The following PDE1C variants were observed in gnomAD, a reference collection of about 807,000 sequenced individuals.
The protein encoded by PDE1C is dual specificity calcium/calmodulin-dependent 3',5'-cyclic nucleotide phosphodiesterase 1C.
In PDE1C, 62 loss-of-function variants were observed where a neutral mutation model predicts 93.1. The observed-to-expected ratio is 0.67, with a 90% CI of 0.54 to 0.82. The LOEUF is 0.82. Ranked by LOEUF, PDE1C falls within the 40% of genes least tolerant of loss-of-function variation. The pLI is 0.00. For synonymous variants in PDE1C, 325 were observed against 310.1 expected (o/e 1.05, Z -0.50); for missense variants, 742 against 884.6 (o/e 0.84, Z 2.04).
intron 3 of PDE1C, among the ~76,000 whole-genome samples, chr7:32,153,521 G>C (rs371106873): frequency 3.9e-5 from 6 of 152,140 alleles, no homozygotes; most frequent in African/African-American, 1.4e-4. Context: ...GCAGAGTGGG[G>C]GTTCTCAGCC....
chr7:32,187,682 T>C (rs1232643004), intron 2 of PDE1C, among the ~76,000 whole-genome samples: 1 of 152,236 alleles, frequency 6.6e-6, no homozygotes, highest in Admixed American at 6.5e-5. Context: ...GCAAGTTGCA[T>C]ACGTAATTTT....
chr7:32,424,862 A>T (rs903227208), intron 1 of PDE1C, among the ~76,000 whole-genome samples: 1 of 152,082 alleles, frequency 6.6e-6, no homozygotes, highest in Non-Finnish European at 1.5e-5. Flanking sequence ...TAAACTAAAG[A>T]GTTAACAAAC....
intron 1 of PDE1C, among the ~76,000 whole-genome samples, chr7:32,281,946 T>C (rs1258091615): frequency 1.3e-5 from 2 of 151,580 alleles, no homozygotes; most frequent in Non-Finnish European, 2.9e-5. Context: ...CCCGCATAGG[T>C]GGGAGTTGAA....
chr7:31,944,563 T>A (rs936052096), intron 2 of PDE1C, among the ~76,000 whole-genome samples: 11 of 152,196 alleles, frequency 7.2e-5, no homozygotes, highest in African/African-American at 1.4e-4. Context: ...CTGATGGGTG[T>A]TCTGTTCCCA....
intron 6 of PDE1C, among the ~76,000 whole-genome samples, chr7:31,871,685 T>C (rs56262700): frequency 0.51 from 74,323 of 144,816 alleles, 19,955 homozygotes; most frequent in Non-Finnish European, 0.61. Flanking sequence ...AGAATGGCTG[T>C]TATGGTTAAA....
intron 11 of PDE1C, among the ~76,000 whole-genome samples, chr7:31,835,394 T>C (rs999330054): frequency 2.6e-5 from 4 of 152,126 alleles, no homozygotes; most frequent in African/African-American, 9.7e-5. Context: ...ATAGTTCTAG[T>C]TCCCCCCACA....
At chr7:32,318,688 C>A (rs74829314) in intron 1 of PDE1C, among the ~76,000 whole-genome samples, 1 of 152,166 alleles carries the variant, frequency 6.6e-6, no homozygotes, top group African/African-American at 2.4e-5. Context: ...TGAAGGGCTG[C>A]GCGCGTGAGC....
chr7:32,245,799 T>A (rs1467194880), intron 1 of PDE1C, among the ~76,000 whole-genome samples: 1 of 152,134 alleles, frequency 6.6e-6, no homozygotes, highest in African/African-American at 2.4e-5. Context: ...CCTTGCTGTG[T>A]CCTCACATGG....
At chr7:32,001,682 T>C (rs899645467) in intron 2 of PDE1C, among the ~76,000 whole-genome samples, 5 of 151,936 alleles carry the variant, frequency 3.3e-5, no homozygotes, top group African/African-American at 1.2e-4. Context: ...AAAGGTGTCA[T>C]GTAAAAAAGT....
chr7:32,229,413 G>A (rs1042587883), intron 1 of PDE1C, among the ~76,000 whole-genome samples: 26 of 152,258 alleles, frequency 1.7e-4, no homozygotes, highest in African/African-American at 6.0e-4. Flanking sequence ...ACTTCAGTAG[G>A]GGCACCTTTT....
chr7:31,943,456 C>T (rs1806120621), intron 2 of PDE1C, among the ~76,000 whole-genome samples: 1 of 152,114 alleles, frequency 6.6e-6, no homozygotes, highest in African/African-American at 2.4e-5. Context: ...GATCCATATT[C>T]TATTTTTTTA....
chr7:31,694,794 G>C, the PDE1C span, among the ~76,000 whole-genome samples: 1 of 152,230 alleles, frequency 6.6e-6, no homozygotes, highest in African/African-American at 2.4e-5. Flanking sequence ...TACCCGTAAC[G>C]ACTTCTGATA....
the PDE1C span, among the ~76,000 whole-genome samples, chr7:31,696,515 A>T: frequency 6.6e-6 from 1 of 152,306 alleles, no homozygotes; most frequent in South Asian, 2.1e-4. Flanking sequence ...CATAGAGGTG[A>T]GAAAGCAGGA....
intron 9 of PDE1C, among the ~76,000 whole-genome samples, chr7:31,839,204 A>G (rs1791516539): frequency 6.7e-6 from 1 of 149,642 alleles, no homozygotes; most frequent in Non-Finnish European, 1.5e-5. Context: ...ATACATACAT[A>G]CGTATATGTG....
chr7:32,389,563 C>T (rs150557604), intron 1 of PDE1C, among the ~76,000 whole-genome samples: 245 of 152,300 alleles, frequency 1.6e-3, no homozygotes, highest in African/African-American at 4.5e-3. Flanking sequence ...AATGATGACA[C>T]TTCATGGGAT....
At chr7:31,999,204 C>T (rs1785147627) in intron 2 of PDE1C, among the ~76,000 whole-genome samples, 2 of 152,110 alleles carry the variant, frequency 1.3e-5, no homozygotes, top group African/African-American at 4.8e-5. Flanking sequence ...CAGGCACAGC[C>T]CCTCTAGAAC....
chr7:31,992,099 C>T (rs1784209252), intron 2 of PDE1C, among the ~76,000 whole-genome samples: 1 of 152,202 alleles, frequency 6.6e-6, no homozygotes, highest in African/African-American at 2.4e-5. Context: ...AAGAGAATGA[C>T]TTGTTCCCCA....
chr7:32,048,251 G>A (rs576918703), intron 2 of PDE1C, among the ~76,000 whole-genome samples: 33 of 152,300 alleles, frequency 2.2e-4, no homozygotes, highest in African/African-American at 7.7e-4. Flanking sequence ...TTTATCAAGA[G>A]ATTTAGTCTA....
chr7:31,750,435 G>A (rs76078556), downstream of PDE1C, among the ~76,000 whole-genome samples: 568 of 152,272 alleles, frequency 3.7e-3, 2 homozygotes, highest in African/African-American at 0.013. Flanking sequence ...TCTACCTGAT[G>A]TCATGGAATT....
Sources: gnomAD v4.1 joint callset for allele counts (sites outside exome capture counted in the v4.1 genomes callset) on GRCh38, gnomAD v4.1.1 for gene constraint, MANE v1.5 for transcripts, NCBI Gene and HGNC (gene_info 2026-07-23, HGNC 2026-07-21) for gene names.